Variants in RNF126 observed in about 807,000 individuals in gnomAD.
The protein encoded by RNF126 is E3 ubiquitin-protein ligase RNF126.
Under a neutral mutation model 41.9 loss-of-function variants are expected in RNF126, and 20 were observed. The ratio of observed to expected loss-of-function variants is 0.48; its 90% confidence interval spans 0.34 to 0.69. The LOEUF (loss-of-function observed/expected upper bound fraction) is 0.69, where lower values mean the gene tolerates loss of function less well. RNF126 is among the 30% of genes least tolerant of loss of function. The probability of loss-of-function intolerance (pLI) is 0.01; values close to 1 mark genes in which losing one functional copy is unlikely to be tolerated. For missense variants in RNF126, 433 were observed against 460.6 expected (o/e 0.94, Z 0.55); for synonymous variants, 239 against 202.9 (o/e 1.18, Z -1.51).
rs751655593 is a variant in RNF126 at position 651,942 on chromosome 19, C to A, written c.199-87G>T. ...TAGGGCACAAAGACAAAGGAGAAAGCAAGACGGGCCCTGCTGGGTGCCGGG... is the reference window on the plus strand; with the variant it reads ...TAGGGCACAAAGACAAAGGAGAAAGAAAGACGGGCCCTGCTGGGTGCCGGG... On this transcript the variant is annotated intron_variant, in intron 3 of 8. Coordinates refer to ENST00000292363, the MANE Select transcript of RNF126 (RefSeq NM_194460.3). The A allele has an allele frequency of 5.5e-6, 7 of 1,277,882 alleles. No individual in the cohort carries two copies. The African/African-American group carries it at 1.1e-4, about 19-fold the overall frequency. 79.2% of individuals were successfully genotyped at this position (1,277,882 alleles called of 1,614,324 possible).
intron 7 of RNF126, 77 bp from the exon 8 acceptor site, chr19:648,564 C>T (rs1375887134): frequency 8.0e-7 from 1 of 1,243,978 alleles, no homozygotes; most frequent in Admixed American, 2.0e-5. Context: ...ACTCCACAGC[C>T]TCAGCCGGAG....
In RNF126 at chr19:651,634, G is replaced by C; in HGVS notation, c.420C>G (p.His140Gln). 1 of 1,473,616 alleles carries C rather than the reference G, an allele frequency of 6.8e-7. No homozygotes were observed. The highest frequency in any genetic ancestry group is 9.0e-7 in the Non-Finnish European group (1 of 1,114,346). The allele number at this position is 1,473,616 out of a possible 1,614,324, so 91.3% of individuals were successfully genotyped here. A position where few individuals can be genotyped will look rare whatever the true frequency, so the allele number is the denominator to read the frequency against. The change falls in exon 4 of 9, where the codon CAC (histidine) becomes CAG (glutamine). Residue 140 changes from histidine to glutamine, a missense_variant. Physicochemically the swap from His to Gln is conservative, Grantham distance 24 (BLOSUM62 0). This residue lies in a region of RNF126 where 247 missense variants were observed against 224.7 expected (regional missense o/e 1.10). Transcript: ENST00000292363. ...RLTTRRATGR[H>Q]EGVPTLEGII... ...ACCCTTCCAGCGTGGGGACGCCTTC[G>C]TGCCGGCCGGTGGCCCGCCGCGTGG...
chr19:649,571 C>T, intron 6 of RNF126, 108 bp downstream of exon 6: 1 of 849,664 alleles, frequency 1.2e-6, no homozygotes, highest in Non-Finnish European at 1.9e-6. Flanking sequence ...TGCCCGCATC[C>T]CCTTTGACCT....
At chr19:656,958 TG>T (rs1306551660) in intron 1 of RNF126, among the ~76,000 whole-genome samples, 1 of 152,058 alleles carries the variant, frequency 6.6e-6, no homozygotes, top group Non-Finnish European at 1.5e-5. Context: ...ATCGCCTGGG[TG>T]GGTCTCTGGG....
Position 649,680 on chromosome 19 carries a change from T to C in RNF126, c.575A>G (p.Gln192Arg). The C allele has an allele frequency of 6.4e-7, 1 of 1,563,320 alleles. No individual in the cohort carries two copies. Among genetic ancestry groups the C allele is most frequent in the South Asian group, 1.2e-5 (1 of 85,520 alleles). The change falls in exon 6 of 9, where the codon CAG becomes CGG. Residue 192 changes from glutamine to arginine, a missense_variant and splice_region_variant. By Grantham distance (43) the Gln-to-Arg change is conservative. Coordinates refer to ENST00000292363, the MANE Select transcript of RNF126 (RefSeq NM_194460.3). ...CTCTGGGCCGTGGCCACGCTGTACC[T>C]GTGTGATGATGGCATCCAGGCCGTT... Reference protein sequence around the residue: ...GANGLDAIITQLLNQFENTGP... With the variant: ...GANGLDAIITRLLNQFENTGP...
intron 3 of RNF126, 101 bp downstream of exon 3, chr19:652,132 G>T: frequency 2.9e-6 from 3 of 1,037,284 alleles, no homozygotes; most frequent in Non-Finnish European, 4.0e-6. Flanking sequence ...CCTCCGCCGT[G>T]CGGGCAGGGA....
intron 1 of RNF126, among the ~76,000 whole-genome samples, chr19:653,119 CCCA>C (rs974653799): frequency 8.0e-5 from 12 of 149,956 alleles, no homozygotes; most frequent in African/African-American, 2.9e-4. Context: ...CCGACCTGGC[CCCA>C]CCGTGACGGG....
At chr19:649,583 T>C (rs2144756059) in intron 6 of RNF126, 96 bp downstream of exon 6, 2 of 1,002,752 alleles carry the variant, frequency 2.0e-6, no homozygotes, top group East Asian at 5.3e-5. Flanking sequence ...CTTTGACCTT[T>C]GTGGGGCTTC....
chr19:657,364 C>T (rs928460584), intron 1 of RNF126, among the ~76,000 whole-genome samples: 1 of 152,244 alleles, frequency 6.6e-6, no homozygotes, highest in Non-Finnish European at 1.5e-5. Flanking sequence ...CAGGGCACAA[C>T]GCATGCTCCC....
exon 1 of RNF126, chr19:663,209 GCGCACGCTCA>G (rs2030890179): frequency 2.4e-6 from 1 of 422,454 alleles, no homozygotes; most frequent in Non-Finnish European, 3.3e-6. Context: ...CGACGCGCCC[GCGCACGCTCA>G]CGCACGGCAC....
rs764493560 is a variant in RNF126, at chr19:650,250, G to A, written c.490C>T (p.Pro164Ser). 4.4e-6 allele frequency: 7 copies of A among 1,581,856 alleles called. No individual in the cohort carries two copies. The South Asian group carries it at 7.0e-5, about 16-fold the overall frequency. ...VNGIITPATI[P>S]SLGPWGVLHS... The stretch of plus-strand genomic sequence containing the variant: ...CCCACTCACCAGGGGCCCAGGCTGG[G>A]GATGGTGGCGGGCGTGATGATGCCG... Residue 164 changes from proline (P) to serine (S), a missense_variant, in exon 5 of 9, where the codon CCC becomes TCC. Transcript: ENST00000292363.
At chr19:656,494 C>G (rs1169439629) in intron 1 of RNF126, among the ~76,000 whole-genome samples, 1 of 151,918 alleles carries the variant, frequency 6.6e-6, no homozygotes, top group Non-Finnish European at 1.5e-5. Context: ...ACTAAAAATA[C>G]AAAAATTAGC....
intron 1 of RNF126, among the ~76,000 whole-genome samples, chr19:657,540 C>T (rs1405644478): frequency 2.6e-5 from 4 of 152,238 alleles, no homozygotes; most frequent in Admixed American, 6.5e-5. Context: ...ACTCCAGCGT[C>T]GGGGCCTGTG....
In RNF126 at chr19:663,080, G is replaced by A. The variant is rs974785395; in HGVS notation, c.42C>T (p.His14=). 125 of 1,374,034 alleles carry A rather than the reference G, an allele frequency of 9.1e-5. No individual in the cohort carries two copies. In the African/African-American group the frequency reaches 1.6e-3, roughly 18 times the overall value. The allele number at this position is 1,374,034 out of a possible 1,614,324, so 85.1% of individuals were successfully genotyped here. A position where few individuals can be genotyped will look rare whatever the true frequency, so the allele number is the denominator to read the frequency against. ...GCGGGACGATCTCCACGGAGCAGCAGTGGCAGAAGTACCGTCCGGGATGCG... is the reference window on the plus strand; with the variant it reads ...GCGGGACGATCTCCACGGAGCAGCAATGGCAGAAGTACCGTCCGGGATGCG... The part of the protein sequence containing the change: ...ASPHPGRYFC[H]CCSVEIVPRL... Residue 14 remains histidine, a synonymous_variant, in exon 1 of 9, where the codon CAC becomes CAT. Coordinates refer to ENST00000292363, the MANE Select transcript of RNF126 (RefSeq NM_194460.3).
At chr19:651,468 G>A (rs1182940648) in intron 4 of RNF126, 143 bp downstream of exon 4, 2 of 762,158 alleles carry the variant, frequency 2.6e-6, no homozygotes, top group Non-Finnish European at 3.7e-6. Context: ...AGTCACAGGG[G>A]GCTGGAGGGC....
chr19:648,336 G>C (rs1250094152), intron 8 of RNF126, 36 bp downstream of exon 8: 1 of 1,520,404 alleles, frequency 6.6e-7, no homozygotes. Flanking sequence ...GGAGGGCCGC[G>C]GTCGGGGTGG....
At chr19:655,674 G>A (rs991067061) in intron 1 of RNF126, among the ~76,000 whole-genome samples, 2 of 152,050 alleles carry the variant, frequency 1.3e-5, no homozygotes, top group East Asian at 1.9e-4. Context: ...CATGACCCAC[G>A]AGCTAGAACT....
At chr19:649,016 G>T in intron 6 of RNF126, 41 bp from the exon 7 acceptor site, 2 of 1,042,480 alleles carry the variant, frequency 1.9e-6, no homozygotes, top group Non-Finnish European at 1.3e-6. Context: ...CTCCTCGGGG[G>T]CCCGGCCCGG....
intron 6 of RNF126, chr19:649,284 T>C: frequency 3.5e-6 from 1 of 285,040 alleles, no homozygotes; most frequent in Non-Finnish European, 6.4e-6. Flanking sequence ...CTCCGGCTGG[T>C]GGGCTACTGT....
Sources: allele counts gnomAD v4.1 joint callset (sites outside exome capture counted in the v4.1 genomes callset), GRCh38; gene constraint gnomAD v4.1.1; regional missense constraint gnomAD v4.1.1; transcripts MANE v1.5; gene names NCBI Gene and HGNC (gene_info 2026-07-23, HGNC 2026-07-21).